Variants in SORBS2 observed in about 807,000 individuals in gnomAD.
SORBS2 encodes the protein sorbin and SH3 domain containing 2.
Under a neutral mutation model 97.7 loss-of-function variants are expected in SORBS2, and 46 were observed. The ratio of observed to expected loss-of-function variants is 0.47; its 90% CI spans 0.37 to 0.60. The LOEUF (loss-of-function observed/expected upper bound fraction) is 0.60, where lower values mean the gene tolerates loss of function less well. SORBS2 is among the 20% of genes least tolerant of loss of function. SORBS2 has a pLI of 0.00. For missense variants in SORBS2, 1,316 were observed against 1,282.3 expected, an observed-to-expected ratio of 1.03 and a Z score of -0.40; for synonymous variants, 476 against 473.4, an observed-to-expected ratio of 1.01 and a Z score of -0.07.
intron 1 of SORBS2, among the ~76,000 whole-genome samples, chr4:185,930,160 G>T (rs990667659): frequency 3.3e-5 from 5 of 152,080 alleles, no homozygotes; most frequent in African/African-American, 1.2e-4. Context: ...TGTTTTCAGG[G>T]ATATTTTAAA....
At chr4:185,789,832 T>G (rs1220179516) in intron 1 of SORBS2, among the ~76,000 whole-genome samples, 5 of 152,176 alleles carry the variant, frequency 3.3e-5, no homozygotes, top group African/African-American at 1.2e-4. Context: ...GTAATTTTGC[T>G]GCTATTCTTG....
intron 2 of SORBS2, among the ~76,000 whole-genome samples, chr4:185,749,640 A>C (rs2098787639): frequency 6.6e-6 from 1 of 152,242 alleles, no homozygotes; most frequent in Non-Finnish European, 1.5e-5. Context: ...GAAACAGTAA[A>C]GATACATTAG....
chr4:185,753,572 A>C (rs914418610), intron 2 of SORBS2, among the ~76,000 whole-genome samples: 2 of 152,190 alleles, frequency 1.3e-5, no homozygotes, highest in Admixed American at 1.3e-4. Flanking sequence ...ATAAAGTAAA[A>C]AAGATAATTT....
chr4:185,657,452 T>C (rs2097426479), upstream of SORBS2: 6 of 1,561,252 alleles, frequency 3.8e-6, no homozygotes, highest in African/African-American at 1.4e-5. Flanking sequence ...GATTCCGGAT[T>C]CATCCACGGG....
At chr4:185,923,226 T>C (rs2099261791) in intron 1 of SORBS2, among the ~76,000 whole-genome samples, 1 of 152,222 alleles carries the variant, frequency 6.6e-6, no homozygotes, top group South Asian at 2.1e-4. Flanking sequence ...ACCTTGGATC[T>C]ATGCTGCTTA....
intron 1 of SORBS2, among the ~76,000 whole-genome samples, chr4:185,847,239 A>G (rs972920795): frequency 6.6e-6 from 1 of 152,166 alleles, no homozygotes; most frequent in African/African-American, 2.4e-5. Context: ...GTAGGAAACA[A>G]TCTGTTCTAA....
At chr4:185,934,078 C>T (rs2099267739) in intron 1 of SORBS2, among the ~76,000 whole-genome samples, 1 of 152,148 alleles carries the variant, frequency 6.6e-6, no homozygotes, top group Non-Finnish European at 1.5e-5. Context: ...CAACTTTTCC[C>T]AGTAGGTTTC....
chr4:185,587,518 C>T (rs562042801), exon 15 of SORBS2: 5 of 878,124 alleles, frequency 5.7e-6, no homozygotes, highest in African/African-American at 3.3e-5. Context: ...ATGGTGACGG[C>T]GCATTGGAAA....
At chr4:185,848,851 T>G (rs2099216184) in intron 1 of SORBS2, among the ~76,000 whole-genome samples, 1 of 152,066 alleles carries the variant, frequency 6.6e-6, no homozygotes, top group Non-Finnish European at 1.5e-5. Context: ...GTTTCATTTC[T>G]ATAGATAATA....
intron 2 of SORBS2, among the ~76,000 whole-genome samples, chr4:185,745,410 C>G (rs1008912953): frequency 3.3e-5 from 5 of 152,140 alleles, no homozygotes; most frequent in African/African-American, 4.8e-5. Context: ...AAAAAAATGC[C>G]TGCTTCACTT....
At chr4:185,877,883 A>AAAAAAAAAAAAAAG (rs1344109012) in intron 1 of SORBS2, among the ~76,000 whole-genome samples, 27 of 145,162 alleles carry the variant, frequency 1.9e-4, no homozygotes, top group Non-Finnish European at 2.9e-4. Flanking sequence ...ACAAAAAAAA[A>AAAAAAAAAAAAAAG]AAAGAAAGAA....
At chr4:185,793,667 C>T (rs2099091563) in intron 1 of SORBS2, among the ~76,000 whole-genome samples, 1 of 152,142 alleles carries the variant, frequency 6.6e-6, no homozygotes, top group Admixed American at 6.5e-5. Context: ...CTTGACAAAA[C>T]AAAGCGTGTC....
At chr4:185,802,817 G>A (rs943440590) in intron 1 of SORBS2, among the ~76,000 whole-genome samples, 5 of 152,160 alleles carry the variant, frequency 3.3e-5, no homozygotes, top group African/African-American at 1.2e-4. Flanking sequence ...CCAAGAGAAT[G>A]CACTGACAAA....
intron 1 of SORBS2, among the ~76,000 whole-genome samples, chr4:185,900,791 C>CAG (rs34447153): frequency 8.0e-5 from 12 of 150,456 alleles, no homozygotes; most frequent in Middle Eastern, 3.4e-3. Flanking sequence ...GACAGGGAAA[C>CAG]AGAGAGAGAG....
intron 13 of SORBS2, among the ~76,000 whole-genome samples, chr4:185,590,520 T>C (rs2095900526): frequency 6.6e-6 from 1 of 152,170 alleles, no homozygotes; most frequent in African/African-American, 2.4e-5. Context: ...ACTATGGACA[T>C]AAGTCTCTTT....
At chr4:185,709,302 A>ATTTTTTTTTTTTTTTTTT (rs1562045505) in intron 2 of SORBS2, among the ~76,000 whole-genome samples, 1 of 42,202 alleles carries the variant, frequency 2.4e-5, no homozygotes, top group Non-Finnish European at 6.3e-5. Context: ...TGCTGGCCAA[A>ATTTTTTTTTTTTTTTTTT]TCTTTTTTTT....
At chr4:185,730,636 TG>T (rs2098611304) in intron 2 of SORBS2, among the ~76,000 whole-genome samples, 1 of 152,236 alleles carries the variant, frequency 6.6e-6, no homozygotes. Flanking sequence ...AGGCACTCCT[TG>T]GGTGAACAGC....
At chr4:185,842,913 G>A (rs982633014) in intron 1 of SORBS2, among the ~76,000 whole-genome samples, 1 of 131,760 alleles carries the variant, frequency 7.6e-6, no homozygotes, top group Admixed American at 8.6e-5. Context: ...CCAGCCTGGC[G>A]ACAGAGAAAG....
intron 1 of SORBS2, among the ~76,000 whole-genome samples, chr4:185,915,965 A>C (rs1471028409): frequency 6.6e-6 from 1 of 152,236 alleles, no homozygotes; most frequent in Non-Finnish European, 1.5e-5. Context: ...AGGAAGAAGC[A>C]GCATAAGCAA....
Sources: gnomAD v4.1 joint callset for allele counts (sites outside exome capture counted in the v4.1 genomes callset) on GRCh38, gnomAD v4.1.1 for gene constraint, MANE v1.5 for transcripts, NCBI Gene and HGNC (gene_info 2026-07-23, HGNC 2026-07-21) for gene names.